The following C1orf21 variants were observed in gnomAD, a reference collection of about 807,000 sequenced individuals.
C1orf21 encodes chromosome 1 open reading frame 21.
Under a neutral mutation model 18.7 loss-of-function variants are expected in C1orf21, and 3 were observed. The ratio of observed to expected loss-of-function variants is 0.16; its 90% CI spans 0.07 to 0.42. The LOEUF (loss-of-function observed/expected upper bound fraction) is 0.42. Among genes scored for constraint, C1orf21 ranks in the 10% least tolerant of loss-of-function variants. The probability of loss-of-function intolerance (pLI) is 0.99; values close to 1 mark genes in which losing one functional copy is unlikely to be tolerated. For missense variants in C1orf21, 104 were observed against 143.6 expected (o/e 0.72, Z 1.41); for synonymous variants, 41 against 46.4 (o/e 0.88, Z 0.47).
chr1:184,556,192 G>A (rs1050691044), intron 3 of C1orf21, among the ~76,000 whole-genome samples: 3 of 152,136 alleles, frequency 2.0e-5, no homozygotes, highest in African/African-American at 7.2e-5. Flanking sequence ...AGCTGATGCA[G>A]GTACTTGTTG....
chr1:184,599,195 A>T (rs1659555357), intron 5 of C1orf21: 1 of 152,144 alleles, frequency 6.6e-6, no homozygotes. Context: ...GAGTATTATA[A>T]TTTTTTTATT....
rs546142181 is a variant in C1orf21 at position 184,553,250 on chromosome 1, C to A, written c.190-37489C>A. Reference sequence around the variant, plus strand: ...TTCGTAAGTCCAAGGGGGGGAGAAACTAATTCCATTTTTTTCTTGAGAATA... The same window carrying A: ...TTCGTAAGTCCAAGGGGGGGAGAAAATAATTCCATTTTTTTCTTGAGAATA... On this transcript the variant is annotated intron_variant, in intron 3 of 5. Transcript: ENST00000235307. Among the ~76,000 whole-genome samples the A allele has an allele frequency of 8.5e-5, 13 of 152,202 alleles. No individual in the cohort carries two copies. The South Asian group carries it at 2.7e-3, about 32-fold the overall frequency.
intron 2 of C1orf21, among the ~76,000 whole-genome samples, chr1:184,506,996 A>G (rs1042687242): frequency 1.5e-4 from 23 of 150,428 alleles, no homozygotes; most frequent in African/African-American, 4.9e-4. Context: ...AAATAAATAT[A>G]TATATGAAAT....
chr1:184,577,947 G>GTTTTGTTTTTTT (rs1571285782), intron 3 of C1orf21, among the ~76,000 whole-genome samples: 7 of 86,750 alleles, frequency 8.1e-5, no homozygotes, highest in African/African-American at 1.7e-4. Flanking sequence ...TTTTTGTTTT[G>GTTTTGTTTTTTT]TTTTTGTTTT....
chr1:184,463,528 A>G (rs955233436), intron 1 of C1orf21, among the ~76,000 whole-genome samples: 1 of 152,182 alleles, frequency 6.6e-6, no homozygotes, highest in Admixed American at 6.5e-5. Flanking sequence ...CTCATCTTAC[A>G]CACTTTTGCT....
At chr1:184,505,327 A>ATATATATATATT (rs1286567078) in intron 2 of C1orf21, among the ~76,000 whole-genome samples, 7 of 134,044 alleles carry the variant, frequency 5.2e-5, no homozygotes, top group Non-Finnish European at 1.1e-4. Context: ...ATATATATAT[A>ATATATATATATT]TATATATATA....
chr1:184,579,760 C>T (rs1352307770), intron 3 of C1orf21, among the ~76,000 whole-genome samples: 7 of 152,062 alleles, frequency 4.6e-5, no homozygotes, highest in African/African-American at 1.4e-4. Flanking sequence ...CCACCCTCCT[C>T]GGCCTGTCAA....
chr1:184,576,792 T>C (rs1423243840), intron 3 of C1orf21, among the ~76,000 whole-genome samples: 1 of 152,186 alleles, frequency 6.6e-6, no homozygotes, highest in Non-Finnish European at 1.5e-5. Flanking sequence ...CTTGTGACTT[T>C]CCTGCTTAAA....
At chr1:184,427,766 G>A (rs1656665205) in intron 1 of C1orf21, among the ~76,000 whole-genome samples, 1 of 152,078 alleles carries the variant, frequency 6.6e-6, no homozygotes, top group Non-Finnish European at 1.5e-5. Context: ...TTCCATCTTT[G>A]CCATCGGCCT....
intron 5 of C1orf21, among the ~76,000 whole-genome samples, chr1:184,614,616 CACATT>C (rs1029719006): frequency 2.2e-4 from 34 of 152,258 alleles, no homozygotes; most frequent in Middle Eastern, 3.4e-3. Flanking sequence ...ATGATTCAAG[CACATT>C]ACATTTATTG....
intron 3 of C1orf21, among the ~76,000 whole-genome samples, chr1:184,559,503 CCCCCTTCCTTCCTTCCTT>C (rs1558002634): frequency 8.0e-4 from 92 of 114,588 alleles, no homozygotes; most frequent in African/African-American, 3.4e-3. Flanking sequence ...TCCTTCCTTC[CCCCCTTCCTTCCTTCCTT>C]CCTTCCTTCC....
chr1:184,526,231 T>G (rs1017123196), intron 3 of C1orf21, among the ~76,000 whole-genome samples: 4 of 152,308 alleles, frequency 2.6e-5, no homozygotes, highest in Admixed American at 2.0e-4. Context: ...TAAACATTAG[T>G]GAATTTTTCT....
intron 1 of C1orf21, among the ~76,000 whole-genome samples, chr1:184,474,221 A>G (rs1657537260): frequency 6.6e-6 from 1 of 152,232 alleles, no homozygotes; most frequent in South Asian, 2.1e-4. Context: ...CATATGTTTC[A>G]GAAACAAAAT....
chr1:184,404,484 G>A (rs568310282), intron 1 of C1orf21, among the ~76,000 whole-genome samples: 5 of 152,256 alleles, frequency 3.3e-5, no homozygotes, highest in South Asian at 2.1e-4. Context: ...GGGGAGGAAC[G>A]GGAAAGCAGA....
chr1:184,536,541 G>A (rs1156762720), intron 3 of C1orf21, among the ~76,000 whole-genome samples: 1 of 152,220 alleles, frequency 6.6e-6, no homozygotes, highest in Non-Finnish European at 1.5e-5. Context: ...GTGAGAAATG[G>A]CTGTCACGTC....
chr1:184,438,737 C>A (rs1656899750), intron 1 of C1orf21, among the ~76,000 whole-genome samples: 1 of 152,072 alleles, frequency 6.6e-6, no homozygotes, highest in African/African-American at 2.4e-5. Flanking sequence ...TTTGGTCTTT[C>A]TTAAATTAAA....
intron 3 of C1orf21, among the ~76,000 whole-genome samples, chr1:184,582,369 G>A (rs1659286826): frequency 6.6e-6 from 1 of 152,184 alleles, no homozygotes; most frequent in African/African-American, 2.4e-5. Context: ...TAGTTTTCAT[G>A]TGCTTCTGAA....
At chr1:184,504,708 C>T (rs968651469) in intron 2 of C1orf21, among the ~76,000 whole-genome samples, 1 of 152,068 alleles carries the variant, frequency 6.6e-6, no homozygotes, top group African/African-American at 2.4e-5. Flanking sequence ...TCTTGCCCAG[C>T]TTTTTTTGTT....
chr1:184,551,746 C>G (rs1489986656), intron 3 of C1orf21, among the ~76,000 whole-genome samples: 1 of 151,982 alleles, frequency 6.6e-6, no homozygotes, highest in African/African-American at 2.4e-5. Context: ...GTGGCTCATG[C>G]CTATAATCCC....
Sources: gnomAD v4.1 joint callset for allele counts (sites outside exome capture counted in the v4.1 genomes callset) on GRCh38, gnomAD v4.1.1 for gene constraint, MANE v1.5 for transcripts, NCBI Gene and HGNC (gene_info 2026-07-23, HGNC 2026-07-21) for gene names.